CEP89: variants seen among roughly 807,000 people sequenced by gnomAD.
CEP89 encodes centrosomal protein of 89 kDa.
A neutral mutation model predicts 97.6 loss-of-function variants in CEP89; 95 were observed. The observed-to-expected ratio is 0.97, with a 90% CI of 0.82 to 1.15. CEP89 has a LOEUF of 1.15. Ranked by LOEUF, CEP89 falls within the 50% of genes most tolerant of loss-of-function variation. The pLI is 0.00. For synonymous variants in CEP89, 354 were observed against 349.1 expected, an observed-to-expected ratio of 1.01 and a Z score of -0.16; for missense variants, 869 against 947.7, an observed-to-expected ratio of 0.92 and a Z score of 1.09.
chr19:32,915,646 C>T (rs1338866662), intron 13 of CEP89, 129 bp from the exon 14 acceptor site: 13 of 802,080 alleles, frequency 1.6e-5, no homozygotes, highest in Middle Eastern at 3.3e-4. Context: ...TTGAGCCAGA[C>T]GTGGTGGCTC....
At chr19:32,892,705 A>G (rs1284772099) in intron 16 of CEP89, among the ~76,000 whole-genome samples, 1 of 150,612 alleles carries the variant, frequency 6.6e-6, no homozygotes, top group African/African-American at 2.4e-5. Flanking sequence ...CCTGTCAGCC[A>G]GCCAAGAATA....
At chr19:32,930,943 T>A (rs1219162853) in intron 9 of CEP89, among the ~76,000 whole-genome samples, 1 of 152,164 alleles carries the variant, frequency 6.6e-6, no homozygotes, top group Non-Finnish European at 1.5e-5. Context: ...TGGAGTGTAG[T>A]GGCGCAATCT....
chr19:32,965,790 C>T (rs766411252), intron 2 of CEP89, among the ~76,000 whole-genome samples: 5 of 151,286 alleles, frequency 3.3e-5, no homozygotes, highest in African/African-American at 9.7e-5. Flanking sequence ...CCAAGGCAGG[C>T]GGATTAAGAA....
chr19:32,966,551 G>T, intron 1 of CEP89, 85 bp from the exon 2 acceptor site: 2 of 722,644 alleles, frequency 2.8e-6, no homozygotes, highest in Non-Finnish European at 4.2e-6. Flanking sequence ...GGGCCTGCAA[G>T]GGGACACCTG....
intron 14 of CEP89, among the ~76,000 whole-genome samples, chr19:32,913,399 G>A (rs1010971961): frequency 5.3e-5 from 8 of 150,468 alleles, no homozygotes; most frequent in South Asian, 2.1e-4. Context: ...CCTCCTACCC[G>A]GACTATTACC....
At chr19:32,908,651 G>A (rs891653327) in intron 14 of CEP89, among the ~76,000 whole-genome samples, 1 of 152,158 alleles carries the variant, frequency 6.6e-6, no homozygotes, top group African/African-American at 2.4e-5. Flanking sequence ...AGGGCACTTC[G>A]GAGGGCAAGG....
At chr19:32,886,379 C>T (rs1249354234) in intron 17 of CEP89, among the ~76,000 whole-genome samples, 1 of 152,184 alleles carries the variant, frequency 6.6e-6, no homozygotes, top group East Asian at 1.9e-4. Flanking sequence ...CACCACCCTC[C>T]ACCTCGCAGC....
Position 32,901,401 on chromosome 19 carries a change from T to G in CEP89, c.1577A>C (p.Lys526Thr), listed in dbSNP as rs1259262145. 6.2e-7 allele frequency: 1 copy of G among 1,611,748 alleles called. No homozygotes were observed. The change falls in exon 15 of 19, where the codon AAG (lysine) becomes ACG (threonine). Residue 526 changes from lysine (K) to threonine (T), a missense_variant. Transcript: ENST00000305768. Reference sequence around the variant, plus strand: ...CTCAGCCCTTTCTTTCTCTTCTTCCTTCTGTAATTGGCTGAAGGACAAAAA... The same window carrying G: ...CTCAGCCCTTTCTTTCTCTTCTTCCGTCTGTAATTGGCTGAAGGACAAAAA... ...IVNELKSQLQ[K>T]EEEKERAEME... is the part of the protein sequence containing the mutation.
intron 12 of CEP89, among the ~76,000 whole-genome samples, chr19:32,921,027 G>T (rs1199233625): frequency 3.3e-5 from 5 of 151,588 alleles, no homozygotes; most frequent in Admixed American, 1.3e-4. Context: ...AGACCAGCCT[G>T]TCCAACGTGG....
At chr19:32,890,901 C>T (rs1391069822) in intron 16 of CEP89, among the ~76,000 whole-genome samples, 4 of 152,258 alleles carry the variant, frequency 2.6e-5, no homozygotes, top group South Asian at 2.1e-4. Context: ...CTACATCCTG[C>T]CCTGGGACCC....
intron 14 of CEP89, among the ~76,000 whole-genome samples, chr19:32,903,331 C>T (rs781716583): frequency 1.3e-4 from 20 of 152,084 alleles, no homozygotes; most frequent in Non-Finnish European, 2.2e-4. Context: ...AAAATCTACA[C>T]CATCCAGCAC....
chr19:32,879,890 CA>C (rs1384256602), intron 18 of CEP89, among the ~76,000 whole-genome samples: 1 of 152,210 alleles, frequency 6.6e-6, no homozygotes, highest in Non-Finnish European at 1.5e-5. Context: ...CCGCTCCATA[CA>C]GCCCAGAGCT....
intron 15 of CEP89, among the ~76,000 whole-genome samples, chr19:32,900,888 C>CTTTTTTTTT (rs34188586): frequency 7.2e-5 from 10 of 138,168 alleles, no homozygotes; most frequent in African/African-American, 2.4e-4. Context: ...CTTCATTTGT[C>CTTTTTTTTT]TTTTTTTTTT....
At chr19:32,961,110 C>CA (rs1971158056) in intron 2 of CEP89, among the ~76,000 whole-genome samples, 1 of 152,170 alleles carries the variant, frequency 6.6e-6, no homozygotes, top group Non-Finnish European at 1.5e-5. Flanking sequence ...GGAGCAGTGC[C>CA]AGGTGCTTAC....
At chr19:32,913,034 C>A (rs1405523437) in intron 14 of CEP89, among the ~76,000 whole-genome samples, 1 of 147,904 alleles carries the variant, frequency 6.8e-6, no homozygotes, top group Non-Finnish European at 1.5e-5. Context: ...CAGTGAGACT[C>A]CGTCTCAAAA....
intron 14 of CEP89, among the ~76,000 whole-genome samples, chr19:32,908,054 G>A (rs943566341): frequency 2.6e-5 from 4 of 152,200 alleles, no homozygotes; most frequent in African/African-American, 9.7e-5. Context: ...TAGCCTCTGT[G>A]TGCAGGAGGC....
In CEP89 at chr19:32,951,511, TTATATA is replaced by T. The variant is rs72440449; in HGVS notation, c.492+2098_492+2103del. 1.2e-3 allele frequency among the ~76,000 whole-genome samples: 163 copies of T among 132,058 alleles called. 1 individual carries two copies. The highest frequency in any genetic ancestry group is 3.8e-3 in the Middle Eastern group (1 of 260). 86.6% of individuals were successfully genotyped at this position (132,058 alleles called of 152,430 possible). A position where few individuals can be genotyped will look rare whatever the true frequency, so the allele number is the denominator to read the frequency against. On this transcript the variant is annotated intron_variant, in intron 4 of 18. Coordinates refer to ENST00000305768, the MANE Select transcript of CEP89 (RefSeq NM_032816.5). ...AAAAGAAATAAACAACAACAAAAAATTATATATATATATATATATATATACACACAC... is the reference window on the plus strand; with the variant it reads ...AAAAGAAATAAACAACAACAAAAAATTATATATATATATATATACACACAC...
Position 32,926,194 on chromosome 19 carries a change from AG to A in CEP89, c.1159del (p.Leu387SerfsTer5). Reference protein sequence around the residue: ...MKEKDELNATLKEEMRMFRMR... With the variant: ...MKEKDELNATXKEEMRMFRMR... ...CTGGGACATTTGCCAGCCTACCTTGAGGGTGGCATTGAGCTCGTCCTTCTCT... is the reference window on the plus strand; with the variant it reads ...CTGGGACATTTGCCAGCCTACCTTGAGGTGGCATTGAGCTCGTCCTTCTCT... On this transcript the variant is annotated frameshift_variant, in exon 11 of 19. Transcript: ENST00000305768. LOFTEE classifies it high-confidence loss of function. 3.1e-6 allele frequency: 5 copies of A among 1,611,032 alleles called. No individual in the cohort carries two copies. The highest frequency in any genetic ancestry group is 4.2e-6 in the Non-Finnish European group (5 of 1,177,428).
intron 12 of CEP89, among the ~76,000 whole-genome samples, chr19:32,919,245 C>T (rs2145912772): frequency 6.6e-6 from 1 of 152,246 alleles, no homozygotes; most frequent in South Asian, 2.1e-4. Context: ...CAAACAAATC[C>T]TCTCCTTCCA....
Sources: gnomAD v4.1 joint callset for allele counts (sites outside exome capture counted in the v4.1 genomes callset) on GRCh38, gnomAD v4.1.1 for gene constraint, MANE v1.5 for transcripts, NCBI Gene and HGNC (gene_info 2026-07-23, HGNC 2026-07-21) for gene names.